Variants in NBEA observed in about 807,000 individuals in gnomAD.
NBEA encodes the protein neurobeachin.
A neutral mutation model predicts 343.4 loss-of-function variants in NBEA; 44 were observed. The ratio of observed to expected loss-of-function variants is 0.13; its 90% CI spans 0.10 to 0.16. NBEA has a LOEUF of 0.16. NBEA is among the 10% of genes least tolerant of loss of function. NBEA has a pLI of 1.00. For missense variants in NBEA, 2,555 were observed against 3,631.3 expected (o/e 0.70, Z 7.62); for synonymous variants, 1,175 against 1,238.7 (o/e 0.95, Z 1.08).
At chr13:35,068,567 T>G (rs1292234293) in intron 8 of NBEA, among the ~76,000 whole-genome samples, 1 of 151,966 alleles carries the variant, frequency 6.6e-6, no homozygotes, top group Non-Finnish European at 1.5e-5. Flanking sequence ...CCCTCCTCAT[T>G]CAAAAAAAAG....
At chr13:35,164,749 T>G (rs2069858467) in intron 24 of NBEA, among the ~76,000 whole-genome samples, 1 of 152,192 alleles carries the variant, frequency 6.6e-6, no homozygotes, top group South Asian at 2.1e-4. Context: ...AGTATTGCAT[T>G]CTTCATCAAA....
chr13:35,167,996 T>A (rs1232551710), intron 24 of NBEA, among the ~76,000 whole-genome samples: 1 of 151,816 alleles, frequency 6.6e-6, no homozygotes, highest in African/African-American at 2.4e-5. Context: ...TTCATAATTA[T>A]AAGAAAGAAG....
At chr13:35,420,794 C>A (rs538855180) in intron 38 of NBEA, among the ~76,000 whole-genome samples, 39 of 152,016 alleles carry the variant, frequency 2.6e-4, no homozygotes, top group Non-Finnish European at 4.4e-4. Context: ...TAGAGTCTTT[C>A]ACAGTATCCA....
chr13:35,241,494 C>G (rs2030266479), intron 34 of NBEA, among the ~76,000 whole-genome samples: 1 of 151,404 alleles, frequency 6.6e-6, no homozygotes, highest in African/African-American at 2.4e-5. Flanking sequence ...ATCTGTAATA[C>G]CAAAGGTATT....
intron 14 of NBEA, 65 bp from the exon 15 acceptor site, chr13:35,118,163 A>T (rs2066603522): frequency 9.5e-7 from 1 of 1,050,012 alleles, no homozygotes; most frequent in South Asian, 1.9e-5. Context: ...GATTATTTTG[A>T]CATCTTTTTT....
At chr13:35,077,273 G>A (rs897411045) in intron 10 of NBEA, among the ~76,000 whole-genome samples, 7 of 151,968 alleles carry the variant, frequency 4.6e-5, no homozygotes, top group African/African-American at 7.2e-5. Flanking sequence ...CTTCAATTTA[G>A]GCTTATACAC....
intron 39 of NBEA, among the ~76,000 whole-genome samples, chr13:35,436,933 A>G (rs986860233): frequency 6.6e-6 from 1 of 152,156 alleles, no homozygotes; most frequent in African/African-American, 2.4e-5. Flanking sequence ...ACACTGGGAG[A>G]ACAAGCTTAA....
intron 18 of NBEA, among the ~76,000 whole-genome samples, chr13:35,153,284 C>T (rs917263543): frequency 1.6e-4 from 24 of 152,170 alleles, no homozygotes; most frequent in African/African-American, 5.5e-4. Context: ...CCACCCACCT[C>T]GGCCTCCCAA....
intron 1 of NBEA, among the ~76,000 whole-genome samples, chr13:35,007,584 C>T (rs757960899): frequency 6.6e-6 from 1 of 152,054 alleles, no homozygotes; most frequent in Non-Finnish European, 1.5e-5. Context: ...CTTGACCTCC[C>T]AGGCTCAAGT....
At chr13:35,392,197 C>G (rs2042536884) in intron 38 of NBEA, among the ~76,000 whole-genome samples, 1 of 151,850 alleles carries the variant, frequency 6.6e-6, no homozygotes, top group Non-Finnish European at 1.5e-5. Context: ...TAAGATCATC[C>G]TTTAATCATT....
At chr13:35,501,654 T>A (rs965886680) in intron 41 of NBEA, among the ~76,000 whole-genome samples, 1 of 152,160 alleles carries the variant, frequency 6.6e-6, no homozygotes, top group Non-Finnish European at 1.5e-5. Context: ...CACTAATAAA[T>A]AACCTACCTC....
chr13:35,549,403 T>C (rs2079207291), intron 41 of NBEA, among the ~76,000 whole-genome samples: 1 of 152,140 alleles, frequency 6.6e-6, no homozygotes, highest in South Asian at 2.1e-4. Context: ...ATAAGTGCGG[T>C]AGAGTATACC....
chr13:35,593,275 G>T, intron 46 of NBEA, 53 bp from the exon 47 acceptor site: 1 of 1,587,764 alleles, frequency 6.3e-7, no homozygotes, highest in Non-Finnish European at 8.6e-7. Context: ...ACAAAGGAAC[G>T]AGGGCAGCTG....
At chr13:35,412,570 C>T (rs1484303126) in intron 38 of NBEA, among the ~76,000 whole-genome samples, 2 of 151,976 alleles carry the variant, frequency 1.3e-5, no homozygotes, top group African/African-American at 2.4e-5. Flanking sequence ...AGTATGCATA[C>T]CTCGTATTTA....
chr13:35,335,937 C>T (rs973983199), intron 36 of NBEA, among the ~76,000 whole-genome samples: 4 of 151,998 alleles, frequency 2.6e-5, no homozygotes, highest in Non-Finnish European at 4.4e-5. Context: ...GCTGGCCTTG[C>T]GACAATATGG....
intron 41 of NBEA, among the ~76,000 whole-genome samples, chr13:35,537,202 TTC>T (rs1240265301): frequency 2.0e-5 from 3 of 152,164 alleles, no homozygotes; most frequent in Non-Finnish European, 4.4e-5. Context: ...ACCACATTTT[TTC>T]TGTCTCCCTC....
At chr13:35,202,503 A>C (rs1373718740) in intron 31 of NBEA, among the ~76,000 whole-genome samples, 1 of 152,168 alleles carries the variant, frequency 6.6e-6, no homozygotes, top group Non-Finnish European at 1.5e-5. Flanking sequence ...TCTTATCTTC[A>C]GTATCTCCGT....
At chr13:35,054,210 G>A (rs375024922) in intron 6 of NBEA, among the ~76,000 whole-genome samples, 1 of 152,020 alleles carries the variant, frequency 6.6e-6, no homozygotes, top group African/African-American at 2.4e-5. Context: ...TATAAAGTTT[G>A]TGTCTTCTGT....
chr13:35,580,161 C>G (rs2080950469), intron 45 of NBEA, among the ~76,000 whole-genome samples: 1 of 151,612 alleles, frequency 6.6e-6, no homozygotes, highest in Admixed American at 6.6e-5. Flanking sequence ...CCATTTTTTC[C>G]TATTTGTTAA....
Sources: gnomAD v4.1 joint callset for allele counts (sites outside exome capture counted in the v4.1 genomes callset) on GRCh38, gnomAD v4.1.1 for gene constraint, MANE v1.5 for transcripts, NCBI Gene and HGNC (gene_info 2026-07-23, HGNC 2026-07-21) for gene names.